The following ENPP3 variants were observed in gnomAD, a reference collection of about 807,000 sequenced individuals.
ENPP3 encodes the protein ectonucleotide pyrophosphatase/phosphodiesterase family member 3.
A neutral mutation model predicts 117.8 loss-of-function variants in ENPP3; 104 were observed. The ratio of observed to expected loss-of-function variants is 0.88; its 90% CI spans 0.75 to 1.04. The LOEUF (loss-of-function observed/expected upper bound fraction) is 1.04. Among genes scored for constraint, ENPP3 ranks in the 50% least tolerant of loss-of-function variants. The pLI is 0.00. For missense variants in ENPP3, 1,026 were observed against 1,051.9 expected (o/e 0.98, Z 0.34); for synonymous variants, 380 against 349.9 (o/e 1.09, Z -0.96).
intron 12 of ENPP3, among the ~76,000 whole-genome samples, chr6:131,684,355 C>T (rs770191773): frequency 3.3e-5 from 5 of 152,178 alleles, no homozygotes; most frequent in Non-Finnish European, 5.9e-5. Flanking sequence ...TTTTGATGTA[C>T]ATTTTGTTAA....
rs115883283 is a variant in ENPP3, at chr6:131,736,135, G to A, written c.2090-1220G>A. Among the ~76,000 whole-genome samples, 1,230 of 152,324 alleles carry A rather than the reference G, an allele frequency of 8.1e-3. 11 individuals carry two copies. Among genetic ancestry groups the A allele is most frequent in the African/African-American group, 0.026 (1,070 of 41,578 alleles). On this transcript the variant is annotated intron_variant, in intron 21 of 24. Transcript: ENST00000357639. ...CCCGAGGAGTGCAGCTGTGAGCAGCGGAGCTGGGGTTCCCACTTGGGCTGT... is the reference window on the plus strand; with the variant it reads ...CCCGAGGAGTGCAGCTGTGAGCAGCAGAGCTGGGGTTCCCACTTGGGCTGT...
intron 6 of ENPP3, among the ~76,000 whole-genome samples, chr6:131,665,684 T>C (rs1778602236): frequency 6.6e-6 from 1 of 152,122 alleles, no homozygotes; most frequent in Non-Finnish European, 1.5e-5. Flanking sequence ...GAACCAACTC[T>C]TAGTTTCATT....
intron 6 of ENPP3, among the ~76,000 whole-genome samples, chr6:131,670,579 C>A (rs529632462): frequency 2.0e-5 from 3 of 152,320 alleles, no homozygotes; most frequent in African/African-American, 7.2e-5. Flanking sequence ...CCGTCTCCAT[C>A]TCCTGAGCTC....
At chr6:131,737,536 G>C (rs1245474636) in intron 22 of ENPP3, 104 bp downstream of exon 22, 6 of 688,308 alleles carry the variant, frequency 8.7e-6, no homozygotes, top group Non-Finnish European at 1.3e-5. Flanking sequence ...CTGATATTAA[G>C]GGTCATTTTG....
intron 24 of ENPP3, among the ~76,000 whole-genome samples, chr6:131,745,377 G>A (rs1290951361): frequency 6.6e-6 from 1 of 151,880 alleles, no homozygotes; most frequent in Non-Finnish European, 1.5e-5. Context: ...GTGGCTATCT[G>A]TATTAAGCCT....
At position 131,677,882 on chromosome 6, in the gene ENPP3, C is replaced by G; in HGVS notation, c.953C>G (p.Thr318Ser). Reference sequence around the variant, plus strand: ...TTTACCCCTAGACCCAGGTTTTATACCATGTATTTTGAAGAACCTGATTCC... The same window carrying G: ...TTTACCCCTAGACCCAGGTTTTATAGCATGTATTTTGAAGAACCTGATTCC... ...LPKAERPRFY[T>S]MYFEEPDSSG... Residue 318 changes from threonine to serine, a missense_variant, in exon 11 of 25, where the codon ACC (threonine) becomes AGC (serine). By Grantham distance (58) the Thr-to-Ser change is moderately conservative. Transcript: ENST00000357639. The G allele has an allele frequency of 1.2e-6, 2 of 1,605,722 alleles. No homozygotes were observed. The highest frequency in any genetic ancestry group is 1.7e-6 in the Non-Finnish European group (2 of 1,172,662).
At chr6:131,652,124 A>G (rs1026184014) in intron 3 of ENPP3, among the ~76,000 whole-genome samples, 3 of 152,210 alleles carry the variant, frequency 2.0e-5, no homozygotes, top group Admixed American at 6.5e-5. Context: ...TCTCAAAGAC[A>G]TGACTGTGCT....
intron 24 of ENPP3, 56 bp from the exon 25 acceptor site, chr6:131,746,716 AATAAAAATATTTCT>A: frequency 7.3e-7 from 1 of 1,376,624 alleles, no homozygotes; most frequent in Non-Finnish European, 1.0e-6. Context: ...ACTTCTAAGC[AATAAAAATATTTCT>A]GTTCATGAAA....
intron 11 of ENPP3, among the ~76,000 whole-genome samples, chr6:131,681,359 G>A (rs569698601): frequency 1.3e-5 from 2 of 152,078 alleles, no homozygotes; most frequent in Non-Finnish European, 2.9e-5. Context: ...GATTTCAAGA[G>A]ATAATGCACT....
chr6:131,660,712 GT>G (rs1487568681), intron 6 of ENPP3, among the ~76,000 whole-genome samples: 3 of 152,276 alleles, frequency 2.0e-5, no homozygotes, highest in Admixed American at 6.5e-5. Context: ...GTCATTTGCT[GT>G]CTGCTTTTTA....
At chr6:131,667,548 A>G (rs1778643672) in intron 6 of ENPP3, among the ~76,000 whole-genome samples, 1 of 152,172 alleles carries the variant, frequency 6.6e-6, no homozygotes, top group Non-Finnish European at 1.5e-5. Flanking sequence ...AATTTCTCAG[A>G]TAGCACCTGG....
At chr6:131,679,026 C>CT (rs1562446869) in intron 11 of ENPP3, among the ~76,000 whole-genome samples, 11 of 47,860 alleles carry the variant, frequency 2.3e-4, no homozygotes, top group Non-Finnish European at 2.9e-4. Context: ...TCCTTCCTTC[C>CT]TTCTTTCTTT....
Position 131,726,029 on chromosome 6 carries a change from T to C in ENPP3, c.1799-17T>C, listed in dbSNP as rs1045349519. 5 of 1,588,252 alleles carry C rather than the reference T, an allele frequency of 3.1e-6. No homozygotes were observed. Among genetic ancestry groups the C allele is most frequent in the Non-Finnish European group, 2.6e-6 (3 of 1,159,434 alleles). On this transcript the variant is annotated splice_polypyrimidine_tract_variant and intron_variant, in intron 19 of 24. Transcript: ENST00000357639. Reference sequence around the variant, plus strand: ...TAATTTCATGAACCTTTTTATTTTATGTTATTTTAATTTTAGTAACAGCAA... The same window carrying C: ...TAATTTCATGAACCTTTTTATTTTACGTTATTTTAATTTTAGTAACAGCAA...
At chr6:131,653,857 G>A (rs751667118) in intron 5 of ENPP3, among the ~76,000 whole-genome samples, 1 of 152,112 alleles carries the variant, frequency 6.6e-6, no homozygotes, top group Non-Finnish European at 1.5e-5. Context: ...TGATGAACAC[G>A]TGAGGTGACA....
chr6:131,676,777 G>T lies in ENPP3; in HGVS notation c.914G>T (p.Trp305Leu). Residue 305 changes from tryptophan (W) to leucine (L), a missense_variant, in exon 10 of 25, where the codon TGG becomes TTG. Physicochemically the swap from Trp to Leu is moderately conservative, Grantham distance 61. Transcript: ENST00000357639. Reference protein sequence around the residue: ...FEERISTLLKWLDLPKAERPR... With the variant: ...FEERISTLLKLLDLPKAERPR... Reference sequence around the variant, plus strand: ...GAGAGGATTTCTACACTGTTAAAATGGCTGGACCTGCCCAAAGCTGAAAGG... The same window carrying T: ...GAGAGGATTTCTACACTGTTAAAATTGCTGGACCTGCCCAAAGCTGAAAGG... 1 of 1,611,354 alleles carries T rather than the reference G, an allele frequency of 6.2e-7. No individual in the cohort carries two copies. Among genetic ancestry groups the T allele is most frequent in the Non-Finnish European group, 8.5e-7 (1 of 1,177,668 alleles).
At chr6:131,644,788 G>T (rs560386788) in intron 2 of ENPP3, among the ~76,000 whole-genome samples, 79 of 152,276 alleles carry the variant, frequency 5.2e-4, no homozygotes, top group African/African-American at 1.8e-3. Context: ...CCATGAGACT[G>T]GGGTAGAACA....
intron 15 of ENPP3, among the ~76,000 whole-genome samples, chr6:131,694,204 T>G (rs1299600269): frequency 6.6e-6 from 1 of 152,180 alleles, no homozygotes; most frequent in Non-Finnish European, 1.5e-5. Context: ...GTGATTGTTA[T>G]TAGACATTAT....
intron 20 of ENPP3, among the ~76,000 whole-genome samples, chr6:131,728,215 G>C (rs965610101): frequency 6.6e-6 from 1 of 152,134 alleles, no homozygotes; most frequent in African/African-American, 2.4e-5. Flanking sequence ...TTGTTTTCGA[G>C]AGGAGTGGCA....
chr6:131,690,721 A>G (rs1434300246), intron 14 of ENPP3, among the ~76,000 whole-genome samples: 1 of 151,992 alleles, frequency 6.6e-6, no homozygotes, highest in Non-Finnish European at 1.5e-5. Flanking sequence ...GCAAGTTTCA[A>G]GTAGAATGCC....
Sources: gnomAD v4.1 joint callset for allele counts (sites outside exome capture counted in the v4.1 genomes callset) on GRCh38, gnomAD v4.1.1 for gene constraint, MANE v1.5 for transcripts, NCBI Gene and HGNC (gene_info 2026-07-23, HGNC 2026-07-21) for gene names.